The following METTL9 variants were observed in gnomAD, a reference collection of about 807,000 sequenced individuals.
METTL9 encodes the protein methyltransferase 9, His-X-His N1(pi)-histidine.
METTL9 carries 10 observed loss-of-function variants against 36.0 expected under a neutral mutation model. That is an observed-to-expected ratio of 0.28 (90% CI 0.17 to 0.47). The LOEUF is 0.47. METTL9 is among the 20% of genes least tolerant of loss of function. The probability of loss-of-function intolerance (pLI) is 0.99; values close to 1 mark genes in which losing one functional copy is unlikely to be tolerated. For missense variants in METTL9, 246 were observed against 383.5 expected (o/e 0.64, Z 3.00); for synonymous variants, 175 against 149.7 (o/e 1.17, Z -1.23).
chr16:21,599,747 C>T lies in METTL9; in HGVS notation c.14C>T (p.Ala5Val). 2.6e-6 allele frequency: 4 copies of T among 1,523,338 alleles called. No individual in the cohort carries two copies. The highest frequency in any genetic ancestry group is 1.7e-6 in the Non-Finnish European group (2 of 1,143,588). The allele number at this position is 1,523,338 out of a possible 1,614,324, so 94.4% of individuals were successfully genotyped here. A position where few individuals can be genotyped will look rare whatever the true frequency, so the allele number is the denominator to read the frequency against. Residue 5 changes from alanine (A) to valine (V), a missense_variant, in exon 1 of 5, where the codon GCG becomes GTG. Ala to Val is a moderately conservative substitution (Grantham distance 64). Around this residue, in one of 2 missense-constraint regions of METTL9, gnomAD observed 100 missense variants for 81.4 expected, o/e 1.23. Coordinates refer to ENST00000358154, the MANE Select transcript of METTL9 (RefSeq NM_016025.5). The surrounding 1 kb of genome is among the most constrained non-coding windows in gnomAD (Gnocchi z 4.4). MRLL[A>V]GWLCLSLASV... Reference sequence around the variant, plus strand: ...CCGCGGCCCCCGATGAGACTGCTGGCGGGCTGGCTGTGCCTGAGCCTGGCG... The same window carrying T: ...CCGCGGCCCCCGATGAGACTGCTGGTGGGCTGGCTGTGCCTGAGCCTGGCG...
chr16:21,647,530 C>T (rs780366783), intron 4 of METTL9: 304 of 1,571,136 alleles, frequency 1.9e-4, no homozygotes, highest in Non-Finnish European at 2.5e-4. Context: ...AATGGGCCTG[C>T]CACCTCACTT....
intron 4 of METTL9, among the ~76,000 whole-genome samples, chr16:21,630,679 G>A (rs1481688736): frequency 6.6e-6 from 1 of 152,154 alleles, no homozygotes; most frequent in African/African-American, 2.4e-5. Flanking sequence ...AGGGGTCCTC[G>A]GTAGAAGTTG....
chr16:21,641,245 C>T lies in METTL9; in HGVS notation c.752-13982C>T, dbSNP rs533443477. Reference sequence around the variant, plus strand: ...GGCTTCAGATCTTCAGGATGGCAGTCATCACACATCTCATGTTGAATGAAA... The same window carrying T: ...GGCTTCAGATCTTCAGGATGGCAGTTATCACACATCTCATGTTGAATGAAA... On this transcript the variant is annotated intron_variant, in intron 4 of 4. Coordinates refer to ENST00000358154, the MANE Select transcript of METTL9 (RefSeq NM_016025.5). 1.9e-5 allele frequency: 4 copies of T among 215,204 alleles called. No individual in the cohort carries two copies. In the South Asian group the frequency reaches 4.8e-4, roughly 26 times the overall value. 13.3% of individuals were successfully genotyped at this position (215,204 alleles called of 1,614,324 possible).
At chr16:21,639,172 A>T (rs776002077) in intron 4 of METTL9, among the ~76,000 whole-genome samples, 1 of 152,230 alleles carries the variant, frequency 6.6e-6, no homozygotes, top group Non-Finnish European at 1.5e-5. Flanking sequence ...TACTGTGTAT[A>T]CACCAGATAT....
At chr16:21,641,915 G>A (rs1425455331) in intron 4 of METTL9, 3 of 191,478 alleles carry the variant, frequency 1.6e-5, no homozygotes, top group African/African-American at 7.0e-5. Context: ...AAAGAAAAAT[G>A]ATTTGTAATT....
chr16:21,627,814 G>A (rs1965848672), intron 4 of METTL9, among the ~76,000 whole-genome samples: 1 of 152,084 alleles, frequency 6.6e-6, no homozygotes, highest in Non-Finnish European at 1.5e-5. Flanking sequence ...TTAGCCGGGT[G>A]TGGTGGTGGG....
At chr16:21,626,842 TA>T in intron 4 of METTL9, 1 of 682,530 alleles carries the variant, frequency 1.5e-6, no homozygotes, top group South Asian at 6.5e-5. Flanking sequence ...GATAGAACTT[TA>T]ATGCTACTTC....
intron 4 of METTL9, chr16:21,646,817 G>A (rs1258539522): frequency 1.7e-5 from 6 of 357,896 alleles, no homozygotes; most frequent in South Asian, 4.4e-5. Flanking sequence ...CACCATGCGC[G>A]GCTAATTTTT....
intron 4 of METTL9, among the ~76,000 whole-genome samples, chr16:21,650,715 G>A (rs936730786): frequency 7.9e-5 from 12 of 152,106 alleles, no homozygotes; most frequent in African/African-American, 2.9e-4. Flanking sequence ...AGGAACTTGT[G>A]ATGAAACTGT....
Position 21,643,583 on chromosome 16 carries a change from G to C in METTL9, c.752-11644G>C. The C allele has an allele frequency of 6.2e-7, 1 of 1,607,172 alleles. No individual in the cohort carries two copies. Among genetic ancestry groups the C allele is most frequent in the Non-Finnish European group, 8.5e-7 (1 of 1,174,930 alleles). ...TCTTCTTTTATTTCTTTGTTTCTTA[G>C]AGGGTTGGATTTTGACTGCCAAGAA... is the stretch of plus-strand genomic sequence containing the variant. On this transcript the variant is annotated intron_variant, in intron 4 of 4. Transcript: ENST00000358154.
intron 4 of METTL9, chr16:21,640,027 A>C (rs1476733946): frequency 6.6e-6 from 1 of 151,982 alleles, no homozygotes; most frequent in Non-Finnish European, 1.5e-5. Flanking sequence ...CAACCTCCGC[A>C]TCCTGGGTTC....
chr16:21,634,648 C>T (rs1966042011), intron 4 of METTL9, among the ~76,000 whole-genome samples: 1 of 152,140 alleles, frequency 6.6e-6, no homozygotes, highest in Admixed American at 6.5e-5. Context: ...ATAATGCCTC[C>T]AGATTTTGTT....
intron 1 of METTL9, among the ~76,000 whole-genome samples, chr16:21,600,721 T>C (rs1412747354): frequency 6.6e-6 from 1 of 152,210 alleles, no homozygotes; most frequent in Non-Finnish European, 1.5e-5. Flanking sequence ...ACAGGTTAAC[T>C]GTAGAATTAA....
At chr16:21,600,569 A>G (rs1965095971) in intron 1 of METTL9, among the ~76,000 whole-genome samples, 2 of 152,154 alleles carry the variant, frequency 1.3e-5, no homozygotes, top group Non-Finnish European at 2.9e-5. Context: ...TGTGATGAGG[A>G]GGAAGATTAT....
intron 4 of METTL9, chr16:21,640,649 C>T (rs1966234440): frequency 6.7e-6 from 1 of 149,722 alleles, no homozygotes; most frequent in African/African-American, 2.5e-5. Flanking sequence ...TACCTGTAAT[C>T]CCAGCTACTT....
In METTL9 at chr16:21,627,866, C is replaced by T. The variant is rs559877420; in HGVS notation, c.751+2751C>T. Among the ~76,000 whole-genome samples the T allele has an allele frequency of 3.4e-4, 52 of 152,056 alleles. 1 individual carries two copies. The East Asian group carries it at 6.6e-3, about 19-fold the overall frequency. On this transcript the variant is annotated intron_variant, in intron 4 of 4. Coordinates refer to ENST00000358154, the MANE Select transcript of METTL9 (RefSeq NM_016025.5). ...TACTGGGGAGGCTGAGGTGGGAGAA[C>T]GGCGTGAACCCAGGAGGCGGAGCTT...
chr16:21,651,470 T>C (rs1966574677), intron 4 of METTL9, among the ~76,000 whole-genome samples: 9 of 151,924 alleles, frequency 5.9e-5, no homozygotes. Flanking sequence ...CCCAGCTATT[T>C]TTTTTTCTTG....
intron 3 of METTL9, among the ~76,000 whole-genome samples, chr16:21,618,948 C>CT (rs1048260462): frequency 3.3e-5 from 5 of 152,068 alleles, no homozygotes; most frequent in African/African-American, 1.2e-4. Context: ...CTCCTGACCT[C>CT]AAGTAATCCA....
At chr16:21,618,705 CTTTTCT>C (rs1263936093) in intron 3 of METTL9, among the ~76,000 whole-genome samples, 1 of 151,150 alleles carries the variant, frequency 6.6e-6, no homozygotes, top group Middle Eastern at 3.2e-3. Context: ...CCAAAATTTT[CTTTTCT>C]TTTCTTTTCT....
Sources: allele counts gnomAD v4.1 joint callset (sites outside exome capture counted in the v4.1 genomes callset), GRCh38; gene constraint gnomAD v4.1.1; regional missense constraint gnomAD v4.1.1; non-coding constraint Gnocchi (gnomAD v3.1); transcripts MANE v1.5; gene names NCBI Gene and HGNC (gene_info 2026-07-23, HGNC 2026-07-21).